Variants in WDPCP observed in about 807,000 individuals in gnomAD.
The protein encoded by WDPCP is WD repeat containing planar cell polarity effector, also known as WD repeat-containing and planar cell polarity effector protein fritz homolog.
Under a neutral mutation model 93.1 loss-of-function variants are expected in WDPCP, and 71 were observed. The observed-to-expected ratio is 0.76, with a 90% CI of 0.63 to 0.93. The LOEUF is 0.93. Ranked by LOEUF, WDPCP falls within the 40% of genes least tolerant of loss-of-function variation. The pLI, the probability that WDPCP is intolerant of heterozygous loss-of-function variation, is 0.00. For synonymous variants in WDPCP, 315 were observed against 315.0 expected, an observed-to-expected ratio of 1.00 and a Z score of 0.00; for missense variants, 844 against 887.4, an observed-to-expected ratio of 0.95 and a Z score of 0.62.
At chr2:63,195,803 T>G (rs1349214888) in intron 14 of WDPCP, among the ~76,000 whole-genome samples, 2 of 152,114 alleles carry the variant, frequency 1.3e-5, no homozygotes, top group Admixed American at 6.5e-5. Flanking sequence ...TATAAAAAGT[T>G]AAAATTTATC....
chr2:63,125,431 T>C (rs1669826557), intron 17 of WDPCP, among the ~76,000 whole-genome samples: 2 of 152,212 alleles, frequency 1.3e-5, no homozygotes, highest in African/African-American at 4.8e-5. Flanking sequence ...TCTATCCTTT[T>C]CAAAACTCTA....
intron 10 of WDPCP, among the ~76,000 whole-genome samples, chr2:63,395,791 G>A (rs557247732): frequency 6.6e-6 from 1 of 152,176 alleles, no homozygotes; most frequent in Admixed American, 6.6e-5. Flanking sequence ...GCAATGGCGC[G>A]ATTTCGGCTC....
At chr2:63,324,838 G>C (rs1404390543) in intron 12 of WDPCP, among the ~76,000 whole-genome samples, 2 of 152,174 alleles carry the variant, frequency 1.3e-5, no homozygotes, top group African/African-American at 4.8e-5. Context: ...GGACTAAGGA[G>C]AATTAGGAAA....
intron 11 of WDPCP, among the ~76,000 whole-genome samples, chr2:63,380,080 A>G (rs576577717): frequency 2.6e-5 from 4 of 152,286 alleles, no homozygotes; most frequent in African/African-American, 7.2e-5. Flanking sequence ...ATCTTACAAG[A>G]CAAATTCACT....
chr2:63,446,453 A>C (rs1697876037), intron 6 of WDPCP, among the ~76,000 whole-genome samples: 2 of 152,234 alleles, frequency 1.3e-5, no homozygotes, highest in Non-Finnish European at 2.9e-5. Context: ...CCATCTTCCC[A>C]GAGCCTCTCT....
At chr2:63,132,876 A>G (rs750654249) in intron 17 of WDPCP, among the ~76,000 whole-genome samples, 7 of 152,084 alleles carry the variant, frequency 4.6e-5, no homozygotes, top group Non-Finnish European at 1.0e-4. Flanking sequence ...CCAATTTATT[A>G]TTATTATTGA....
intron 6 of WDPCP, among the ~76,000 whole-genome samples, chr2:63,466,242 T>G (rs1485427188): frequency 6.6e-6 from 1 of 152,192 alleles, no homozygotes; most frequent in East Asian, 1.9e-4. Flanking sequence ...TAGTTATAAC[T>G]GCTTTTCATT....
At chr2:63,497,938 CCAAAG>C (rs1380271445) in intron 1 of WDPCP, among the ~76,000 whole-genome samples, 2 of 152,088 alleles carry the variant, frequency 1.3e-5, no homozygotes, top group Non-Finnish European at 2.9e-5. Context: ...GGGGCATCTA[CCAAAG>C]TAAGCTGAGC....
chr2:63,446,799 T>C (rs950716277), intron 6 of WDPCP, among the ~76,000 whole-genome samples: 2 of 152,196 alleles, frequency 1.3e-5, no homozygotes, highest in African/African-American at 4.8e-5. Flanking sequence ...GAAAGAAATA[T>C]CTTGTTAGAA....
intron 12 of WDPCP, among the ~76,000 whole-genome samples, chr2:63,353,826 C>T (rs1231394687): frequency 2.0e-5 from 3 of 152,092 alleles, no homozygotes; most frequent in African/African-American, 2.4e-5. Context: ...CTGGAAAATC[C>T]GAAGTGACAA....
chr2:63,723,480 C>T (rs1040658938), intron 2 of WDPCP, among the ~76,000 whole-genome samples: 2 of 152,088 alleles, frequency 1.3e-5, no homozygotes, highest in African/African-American at 4.8e-5. Flanking sequence ...TAGAAATTAT[C>T]ATAATGCATC....
At chr2:63,723,624 T>C (rs549436838) in intron 2 of WDPCP, among the ~76,000 whole-genome samples, 2 of 152,306 alleles carry the variant, frequency 1.3e-5, no homozygotes, top group East Asian at 3.9e-4. Context: ...TATATATTAA[T>C]GTCAGTTTGG....
intron 3 of WDPCP, chr2:63,606,843 T>A (rs1355340573): frequency 3.2e-6 from 5 of 1,587,238 alleles, no homozygotes; most frequent in Non-Finnish European, 4.3e-6. Flanking sequence ...AATCTCTTAT[T>A]TGCATTATTT....
chr2:63,665,873 C>A (rs528290258), intron 2 of WDPCP, among the ~76,000 whole-genome samples: 1 of 152,164 alleles, frequency 6.6e-6, no homozygotes, highest in Non-Finnish European at 1.5e-5. Context: ...AAGGCAGATC[C>A]CTGCATAGCC....
chr2:63,641,606 C>T (rs918317385), intron 3 of WDPCP, among the ~76,000 whole-genome samples: 3 of 152,020 alleles, frequency 2.0e-5, no homozygotes, highest in Non-Finnish European at 4.4e-5. Flanking sequence ...AGAAATGTCT[C>T]TGCACATCTT....
intron 1 of WDPCP, among the ~76,000 whole-genome samples, chr2:63,527,317 C>A (rs1348103190): frequency 2.6e-5 from 4 of 151,074 alleles, no homozygotes; most frequent in Non-Finnish European, 5.9e-5. Context: ...GTGTGCTACA[C>A]CCATTATCTC....
chr2:63,389,870 A>G (rs1302450314), intron 10 of WDPCP, among the ~76,000 whole-genome samples: 1 of 152,194 alleles, frequency 6.6e-6, no homozygotes, highest in Non-Finnish European at 1.5e-5. Flanking sequence ...TATGCACCCA[A>G]TACAGGAGCA....
At position 63,404,396 on chromosome 2, in the gene WDPCP, G is replaced by T. The variant is rs542609073; in HGVS notation, c.1087C>A (p.Leu363Ile). Residue 363 changes from leucine (L) to isoleucine (I), a missense_variant, in exon 10 of 18, where the codon CTT becomes ATT. Transcript: ENST00000272321. Reference protein sequence around the residue: ...ILGCEDSSLILYETHRRVTLL... With the variant: ...ILGCEDSSLIIYETHRRVTLL... The stretch of plus-strand genomic sequence containing the variant: ...GTCACTCTACGGTGAGTTTCATAAA[G>T]AATTAGCGAAGAATCTTCACAGCCC... 6.2e-7 allele frequency: 1 copy of T among 1,614,204 alleles called. No individual in the cohort carries two copies. The highest frequency in any genetic ancestry group is 1.3e-5 in the African/African-American group (1 of 75,062).
At chr2:63,467,310 T>C (rs1699402356) in intron 6 of WDPCP, among the ~76,000 whole-genome samples, 1 of 151,458 alleles carries the variant, frequency 6.6e-6, no homozygotes, top group Non-Finnish European at 1.5e-5. Flanking sequence ...TGAAACCCCA[T>C]CTCTACTAAA....
Sources: allele counts gnomAD v4.1 joint callset (sites outside exome capture counted in the v4.1 genomes callset), GRCh38; gene constraint gnomAD v4.1.1; transcripts MANE v1.5; gene names NCBI Gene and HGNC (gene_info 2026-07-23, HGNC 2026-07-21).